The following RPA1 variants were observed in gnomAD, a reference collection of about 807,000 sequenced individuals.
The protein encoded by RPA1 is replication protein A1.
A neutral mutation model predicts 83.0 loss-of-function variants in RPA1; 49 were observed. That is an observed-to-expected ratio of 0.59 (90% CI 0.47 to 0.75). The LOEUF is 0.75. RPA1 is among the 30% of genes least tolerant of loss of function. The probability of loss-of-function intolerance (pLI) is 0.00; values close to 1 mark genes in which losing one functional copy is unlikely to be tolerated. For missense variants in RPA1, 693 were observed against 776.1 expected, an observed-to-expected ratio of 0.89 and a Z score of 1.27; for synonymous variants, 279 against 281.8, an observed-to-expected ratio of 0.99 and a Z score of 0.10.
chr17:1,893,776 T>C (rs991978842), intron 15 of RPA1, among the ~76,000 whole-genome samples: 1 of 152,134 alleles, frequency 6.6e-6, no homozygotes, highest in South Asian at 2.1e-4. Context: ...TCAACAGTCT[T>C]CTCTGCTTGC....
chr17:1,855,452 G>A (rs146536234), intron 5 of RPA1, among the ~76,000 whole-genome samples: 119 of 152,280 alleles, frequency 7.8e-4, no homozygotes, highest in Non-Finnish European at 1.5e-3. Flanking sequence ...GCCTCCCAAA[G>A]TGCTGGGATT....
rs370951078 is a variant in RPA1, at chr17:1,889,652, A to G, written c.1551+801A>G. Among the ~76,000 whole-genome samples the G allele has an allele frequency of 1.5e-4, 23 of 151,992 alleles. No homozygotes were observed. The East Asian group carries it at 2.9e-3, about 19-fold the overall frequency. On this transcript the variant is annotated intron_variant, in intron 14 of 16. Transcript: ENST00000254719. Reference sequence around the variant, plus strand: ...CACTGCACCCGGCCTTAAGATTTTTATTTTGTTTTGTTTTGTTTTCAATGA... The same window carrying G: ...CACTGCACCCGGCCTTAAGATTTTTGTTTTGTTTTGTTTTGTTTTCAATGA...
At chr17:1,895,403 A>G (rs2151293613) in intron 16 of RPA1, among the ~76,000 whole-genome samples, 1 of 151,784 alleles carries the variant, frequency 6.6e-6, no homozygotes, top group South Asian at 2.1e-4. Flanking sequence ...TTCTGACAAA[A>G]AAATTATAAC....
chr17:1,886,997 A>G (rs1914017929), intron 13 of RPA1, among the ~76,000 whole-genome samples: 2 of 152,100 alleles, frequency 1.3e-5, no homozygotes, highest in Non-Finnish European at 2.9e-5. Context: ...GCCTTCACAG[A>G]ATTGAAGAAA....
intron 6 of RPA1, among the ~76,000 whole-genome samples, chr17:1,874,026 TATATATACACACACAC>T (rs1567818657): frequency 2.7e-5 from 3 of 110,162 alleles, no homozygotes; most frequent in Admixed American, 1.9e-4. Flanking sequence ...TATATATATA[TATATATACACACACAC>T]ACACACACAC....
intron 5 of RPA1, among the ~76,000 whole-genome samples, chr17:1,864,532 T>A (rs1372528487): frequency 6.6e-6 from 1 of 151,856 alleles, no homozygotes; most frequent in Admixed American, 6.6e-5. Context: ...AGAGTGAAAC[T>A]CTGTCTCAAA....
rs1297063942 is a variant in RPA1, at chr17:1,883,068, C to T, written c.1242-744C>T. 3.9e-5 allele frequency among the ~76,000 whole-genome samples: 6 copies of T among 152,040 alleles called. No individual in the cohort carries two copies. In the East Asian group the frequency reaches 1.2e-3, roughly 29 times the overall value. On this transcript the variant is annotated intron_variant, in intron 12 of 16. Coordinates refer to ENST00000254719, the MANE Select transcript of RPA1 (RefSeq NM_002945.5). ...GGAGCAGTGCCTCACGCCCTGTAAT[C>T]CCAGCACTTTGGGAGGCCGAGGGAG...
At chr17:1,861,123 C>CCA (rs139806771) in intron 5 of RPA1, among the ~76,000 whole-genome samples, 4 of 151,902 alleles carry the variant, frequency 2.6e-5, no homozygotes, top group East Asian at 1.9e-4. Flanking sequence ...CAGATCGTGT[C>CCA]CACACACACA....
At chr17:1,890,639 G>T (rs1275896307) in intron 14 of RPA1, among the ~76,000 whole-genome samples, 1 of 152,090 alleles carries the variant, frequency 6.6e-6, no homozygotes, top group Non-Finnish European at 1.5e-5. Context: ...TTCCAGCCTG[G>T]GTGACAGAGC....
chr17:1,872,427 T>G lies in RPA1; in HGVS notation c.362-7T>G, dbSNP rs778420783. 1 of 1,613,690 alleles carries G rather than the reference T, an allele frequency of 6.2e-7. No homozygotes were observed. The highest frequency in any genetic ancestry group is 1.1e-5 in the South Asian group (1 of 90,892). ...CACTAAAACGGGGTTTCCCTTTTGA[T>G]CTTCAGGACTCGGGCAGCCGCAAGT... On this transcript the variant is annotated splice_polypyrimidine_tract_variant and splice_region_variant and intron_variant, in intron 5 of 16. Transcript: ENST00000254719.
intron 10 of RPA1, 25 bp from the exon 11 acceptor site, chr17:1,879,535 C>T (rs764775536): frequency 8.7e-6 from 14 of 1,614,074 alleles, no homozygotes; most frequent in East Asian, 2.2e-5. Context: ...TGACCACCTC[C>T]TGCTAACACG....
At chr17:1,842,521 G>A (rs917181213) in intron 1 of RPA1, among the ~76,000 whole-genome samples, 1 of 152,194 alleles carries the variant, frequency 6.6e-6, no homozygotes, top group South Asian at 2.1e-4. Context: ...CTAATTCCCT[G>A]TTAATGAGCA....
chr17:1,838,062 C>CGGGCGGATCACCTGAGGT (rs1567799958), intron 1 of RPA1, among the ~76,000 whole-genome samples: 1 of 152,034 alleles, frequency 6.6e-6, no homozygotes, highest in East Asian at 1.9e-4. Flanking sequence ...GAGGCTGAGG[C>CGGGCGGATCACCTGAGGT]GGGCGGATCA....
At chr17:1,830,242 GAT>G in intron 1 of RPA1, 116 bp downstream of exon 1, 2 of 618,876 alleles carry the variant, frequency 3.2e-6, no homozygotes, top group Non-Finnish European at 4.5e-6. Context: ...GAGGGGAGGA[GAT>G]GGCGGGGGGC....
chr17:1,857,557 G>A (rs939166341), intron 5 of RPA1, among the ~76,000 whole-genome samples: 2 of 151,470 alleles, frequency 1.3e-5, no homozygotes, highest in African/African-American at 4.9e-5. Context: ...ATAACACTGT[G>A]TAGGTGTTAA....
intron 5 of RPA1, among the ~76,000 whole-genome samples, chr17:1,857,404 A>G (rs1028513053): frequency 3.9e-5 from 6 of 152,078 alleles, no homozygotes; most frequent in Admixed American, 2.0e-4. Flanking sequence ...AATATGTTCA[A>G]TGATAATTTT....
intron 13 of RPA1, among the ~76,000 whole-genome samples, chr17:1,887,430 A>G (rs1402477970): frequency 1.3e-5 from 2 of 151,960 alleles, no homozygotes; most frequent in East Asian, 1.9e-4. Flanking sequence ...GTAGTGGTGC[A>G]TGCCTGTAGT....
chr17:1,871,625 C>A (rs1051404463), intron 5 of RPA1, among the ~76,000 whole-genome samples: 1 of 152,214 alleles, frequency 6.6e-6, no homozygotes, highest in African/African-American at 2.4e-5. Context: ...TTCCATAAAT[C>A]TGTTATTTCA....
rs1051318 is a variant in RPA1 at position 1,897,844 on chromosome 17, A to T, written c.*669A>T. 9,014 of 152,774 alleles carry T rather than the reference A, an allele frequency of 0.059. 274 individuals carry two copies. The highest frequency in any genetic ancestry group is 0.08 in the African/African-American group (3,308 of 41,552). The allele number at this position is 152,774 out of a possible 1,614,324, so 9.5% of individuals were successfully genotyped here. A position where few individuals can be genotyped will look rare whatever the true frequency, so the allele number is the denominator to read the frequency against. ...TTCTGAGGACCGCTGATAAGCATTG[A>T]CTTGCCGTCCCCTAAGGAAATCCGA... On this transcript the variant is annotated 3_prime_UTR_variant, in exon 17 of 17. Coordinates refer to ENST00000254719, the MANE Select transcript of RPA1 (RefSeq NM_002945.5).
Sources: gnomAD v4.1 joint callset for allele counts (sites outside exome capture counted in the v4.1 genomes callset) on GRCh38, gnomAD v4.1.1 for gene constraint, MANE v1.5 for transcripts, NCBI Gene and HGNC (gene_info 2026-07-23, HGNC 2026-07-21) for gene names.